Variants in ZMAT2 observed in about 807,000 individuals in gnomAD.
ZMAT2 encodes the protein zinc finger matrin-type protein 2.
Under a neutral mutation model 27.5 loss-of-function variants are expected in ZMAT2, and 5 were observed. The observed-to-expected ratio is 0.18, with a 90% CI of 0.10 to 0.38. ZMAT2 has a LOEUF of 0.38. Ranked by LOEUF, ZMAT2 falls within the 10% of genes least tolerant of loss-of-function variation. The pLI, the probability that ZMAT2 is intolerant of heterozygous loss-of-function variation, is 1.00. For synonymous variants in ZMAT2, 76 were observed against 78.6 expected, an observed-to-expected ratio of 0.97 and a Z score of 0.17; for missense variants, 124 against 243.9, an observed-to-expected ratio of 0.51 and a Z score of 3.27.
chr5:140,704,278 C>G (rs771995144), intron 4 of ZMAT2, 148 bp from the exon 5 acceptor site: 13 of 1,133,112 alleles, frequency 1.1e-5, no homozygotes, highest in Non-Finnish European at 1.6e-5. Context: ...TGTGCTGCTC[C>G]TGGACCCAGC....
intron 3 of ZMAT2, among the ~76,000 whole-genome samples, chr5:140,703,180 G>A (rs1759995406): frequency 6.6e-6 from 1 of 151,740 alleles, no homozygotes; most frequent in East Asian, 1.9e-4. Context: ...CATGCCTGTG[G>A]TTTGGAAGCC....
At chr5:140,700,691 C>T (rs756930616) in intron 1 of ZMAT2, 128 bp from the exon 2 acceptor site, 1 of 1,291,094 alleles carries the variant, frequency 7.7e-7, no homozygotes, top group Non-Finnish European at 1.1e-6. Flanking sequence ...CCTCAGTCTT[C>T]TCGTACAGTC....
rs117798152 is a variant in ZMAT2, at chr5:140,703,898, G to A, written c.237-20G>A. On this transcript the variant is annotated intron_variant, in intron 3 of 5. Coordinates refer to ENST00000274712, the MANE Select transcript of ZMAT2 (RefSeq NM_144723.3). The stretch of plus-strand genomic sequence containing the variant: ...ATCCTTAAAACCATATTTGACTCAG[G>A]TGCTGTTTCTTCCTGTTAGATATTA... The A allele has an allele frequency of 2.9e-5, 47 of 1,610,132 alleles. 1 individual carries two copies. The East Asian group carries it at 1.0e-3, about 34-fold the overall frequency.
chr5:140,701,037 G>A, intron 2 of ZMAT2, 125 bp downstream of exon 2: 2 of 895,112 alleles, frequency 2.2e-6, no homozygotes, highest in Non-Finnish European at 3.4e-6. Context: ...CTGCTTCCCT[G>A]GGCCTAGGTT....
chr5:140,705,574 G>A, intron 5 of ZMAT2, 39 bp from the exon 6 acceptor site: 1 of 1,574,786 alleles, frequency 6.4e-7, no homozygotes, highest in Non-Finnish European at 8.6e-7. Flanking sequence ...ACATTTGGCT[G>A]AGGAGTCTAA....
rs899421521 is a variant in ZMAT2, at chr5:140,706,609, G to A, written c.*853G>A. ...CAAAACCTTATTATGGGAGCCCGTC[G>A]GTCTTAGAAGCTGTTTGACATGTAT... On this transcript the variant is annotated 3_prime_UTR_variant, in exon 6 of 6. Transcript: ENST00000274712. The A allele has an allele frequency of 1.3e-5, 2 of 152,604 alleles. No individual in the cohort carries two copies. The allele number at this position is 152,604 out of a possible 1,614,324, so 9.5% of individuals were successfully genotyped here.
chr5:140,705,357 G>A (rs1760037182), intron 5 of ZMAT2, among the ~76,000 whole-genome samples: 1 of 148,656 alleles, frequency 6.7e-6, no homozygotes, highest in Non-Finnish European at 1.5e-5. Flanking sequence ...TTAACTAAAT[G>A]TACCTAGTCC....
intron 1 of ZMAT2, 152 bp from the exon 2 acceptor site, chr5:140,700,667 G>T: frequency 7.9e-7 from 1 of 1,273,126 alleles, no homozygotes; most frequent in East Asian, 2.4e-5. Flanking sequence ...TCTCGGGTTG[G>T]GGTCTTGAGG....
In ZMAT2 at chr5:140,706,621, T is replaced by C. The variant is rs995457004; in HGVS notation, c.*865T>C. 2.0e-5 allele frequency: 3 copies of C among 152,666 alleles called. No homozygotes were observed. Among genetic ancestry groups the C allele is most frequent in the Admixed American group, 6.5e-5 (1 of 15,290 alleles). 9.5% of individuals were successfully genotyped at this position (152,666 alleles called of 1,614,324 possible). A position where few individuals can be genotyped will look rare whatever the true frequency, so the allele number is the denominator to read the frequency against. The stretch of plus-strand genomic sequence containing the variant: ...ATGGGAGCCCGTCGGTCTTAGAAGC[T>C]GTTTGACATGTATAATAAATGGCAT... On this transcript the variant is annotated 3_prime_UTR_variant, in exon 6 of 6. Coordinates refer to ENST00000274712, the MANE Select transcript of ZMAT2 (RefSeq NM_144723.3).
chr5:140,703,794 G>T lies in ZMAT2; in HGVS notation c.237-124G>T. ...CTGCTATACTCTCTCGAAAGCTAAGGCTTTATAGAAATGAAGGCTTAACAC... is the reference window on the plus strand; with the variant it reads ...CTGCTATACTCTCTCGAAAGCTAAGTCTTTATAGAAATGAAGGCTTAACAC... On this transcript the variant is annotated intron_variant, in intron 3 of 5. Transcript: ENST00000274712. The T allele has an allele frequency of 5.8e-6, 5 of 862,200 alleles. No individual in the cohort carries two copies. In the South Asian group the frequency reaches 6.0e-5, roughly 10 times the overall value. 53.4% of individuals were successfully genotyped at this position (862,200 alleles called of 1,614,324 possible).
chr5:140,700,485 G>A lies in ZMAT2; in HGVS notation c.18+7G>A. On this transcript the variant is annotated splice_region_variant and intron_variant, in intron 1 of 5. Transcript: ENST00000274712. Reference sequence around the variant, plus strand: ...GATGGCGTCGGGCAGCGGGGTAGGTGTTGTGTCTGAGGAGGAGGTTTTGCG... The same window carrying A: ...GATGGCGTCGGGCAGCGGGGTAGGTATTGTGTCTGAGGAGGAGGTTTTGCG... 1 of 1,613,052 alleles carries A rather than the reference G, an allele frequency of 6.2e-7. No homozygotes were observed. The highest frequency in any genetic ancestry group is 8.5e-7 in the Non-Finnish European group (1 of 1,179,962).
rs749523013 is a variant in ZMAT2 at position 140,701,957 on chromosome 5, G to C, written c.113-49G>C. On this transcript the variant is annotated intron_variant, in intron 2 of 5. Coordinates refer to ENST00000274712, the MANE Select transcript of ZMAT2 (RefSeq NM_144723.3). ...TTTCATGCATTTTTTTTCCTTTCTG[G>C]TTGAGGAACTATAATATTGAAGGGA... 7 of 1,548,524 alleles carry C rather than the reference G, an allele frequency of 4.5e-6. No individual in the cohort carries two copies. The East Asian group carries it at 1.4e-4, about 31-fold the overall frequency.
intron 2 of ZMAT2, 38 bp from the exon 3 acceptor site, chr5:140,701,968 A>G: frequency 3.2e-6 from 5 of 1,575,168 alleles, no homozygotes; most frequent in Non-Finnish European, 3.4e-6. Flanking sequence ...TTGAGGAACT[A>G]TAATATTGAA....
At chr5:140,700,731 T>C in intron 1 of ZMAT2, 88 bp from the exon 2 acceptor site, 2 of 1,465,136 alleles carry the variant, frequency 1.4e-6, no homozygotes, top group Non-Finnish European at 1.9e-6. Context: ...AAACGTCCTG[T>C]AGACACCTGG....
At chr5:140,704,122 C>T (rs1760010212) in intron 4 of ZMAT2, 131 bp downstream of exon 4, 1 of 868,734 alleles carries the variant, frequency 1.2e-6, no homozygotes, top group Non-Finnish European at 1.8e-6. Context: ...GTAGTTTCTA[C>T]TGGGCTCTTT....
Position 140,704,103 on chromosome 5 carries a change from G to T in ZMAT2, c.310+112G>T, listed in dbSNP as rs73791755. On this transcript the variant is annotated intron_variant, in intron 4 of 5. Transcript: ENST00000274712. ...TTTTACTCATCAAAAGATGGCTGGA[G>T]TAAGAAGGGTAGTTTCTACTGGGCT... is the stretch of plus-strand genomic sequence containing the variant. 6 of 1,011,502 alleles carry T rather than the reference G, an allele frequency of 5.9e-6. No homozygotes were observed. In the African/African-American group the frequency reaches 9.8e-5, roughly 16 times the overall value. 62.7% of individuals were successfully genotyped at this position (1,011,502 alleles called of 1,614,324 possible).
At chr5:140,704,045 G>C (rs1276159728) in intron 4 of ZMAT2, 54 bp downstream of exon 4, 1 of 1,523,648 alleles carries the variant, frequency 6.6e-7, no homozygotes, top group African/African-American at 1.4e-5. Flanking sequence ...TTGGAGGTGG[G>C]GTGGAATGGA....
At chr5:140,704,063 C>T in intron 4 of ZMAT2, 72 bp downstream of exon 4, 1 of 1,354,014 alleles carries the variant, frequency 7.4e-7, no homozygotes, top group Non-Finnish European at 1.0e-6. Flanking sequence ...GGAAGGGTAG[C>T]TTTTTTTTTC....
At position 140,702,006 on chromosome 5, in the gene ZMAT2, G is replaced by A; in HGVS notation, c.113G>A (p.Gly38Glu). Residue 38 changes from glycine (G) to glutamate (E), a missense_variant and splice_region_variant, in exon 3 of 6, where the codon GGA (glycine) becomes GAA (glutamate). By Grantham distance (98) the Gly-to-Glu change is moderately conservative. This residue lies in a region of ZMAT2 where 34 missense variants were observed against 50.8 expected (regional missense o/e 0.67). Coordinates refer to ENST00000274712, the MANE Select transcript of ZMAT2 (RefSeq NM_144723.3). Reference sequence around the variant, plus strand: ...GACTTCCTTCCCCATTATGTTTCAGGAAAACCAGTGCAGCCTGTCAAGCGA... The same window carrying A: ...GACTTCCTTCCCCATTATGTTTCAGAAAAACCAGTGCAGCCTGTCAAGCGA... Reference protein sequence around the residue: ...RLTEEREKKDGKPVQPVKREL... With the variant: ...RLTEEREKKDEKPVQPVKREL... The A allele has an allele frequency of 6.2e-7, 1 of 1,607,978 alleles. No homozygotes were observed. The highest frequency in any genetic ancestry group is 8.5e-7 in the Non-Finnish European group (1 of 1,177,354).
Sources: allele counts gnomAD v4.1 joint callset (sites outside exome capture counted in the v4.1 genomes callset), GRCh38; gene constraint gnomAD v4.1.1; regional missense constraint gnomAD v4.1.1; transcripts MANE v1.5; gene names NCBI Gene and HGNC (gene_info 2026-07-23, HGNC 2026-07-21).